SORCS2: variants seen among roughly 807,000 people sequenced by gnomAD.
SORCS2 encodes the protein VPS10 domain-containing receptor SorCS2.
SORCS2 carries 100 observed loss-of-function variants against 141.6 expected under a neutral mutation model. The ratio of observed to expected loss-of-function variants is 0.71; its 90% CI spans 0.60 to 0.83. The LOEUF is 0.83. Among genes scored for constraint, SORCS2 ranks in the 40% least tolerant of loss-of-function variants. SORCS2 has a pLI of 0.00. For synonymous variants in SORCS2, 789 were observed against 676.9 expected (o/e 1.17, Z -2.57); for missense variants, 1,646 against 1,560.2 (o/e 1.05, Z -0.93).
chr4:7,429,133 C>T (rs915947685), intron 2 of SORCS2, among the ~76,000 whole-genome samples: 7 of 152,288 alleles, frequency 4.6e-5, no homozygotes, highest in South Asian at 4.1e-4. Context: ...CATTGAGGCA[C>T]ATGCGTGAGT....
At chr4:7,273,828 A>G (rs1715298120) in intron 1 of SORCS2, among the ~76,000 whole-genome samples, 1 of 152,178 alleles carries the variant, frequency 6.6e-6, no homozygotes, top group African/African-American at 2.4e-5. Context: ...CTTGGAGGCC[A>G]TGCCTCCCTC....
chr4:7,495,969 G>A (rs1038383130), intron 2 of SORCS2, among the ~76,000 whole-genome samples: 2 of 152,206 alleles, frequency 1.3e-5, no homozygotes, highest in African/African-American at 2.4e-5. Flanking sequence ...TGTTGCCTGG[G>A]CGAGGGACAG....
chr4:7,719,143 A>G (rs1198534840), intron 18 of SORCS2, among the ~76,000 whole-genome samples: 1 of 152,196 alleles, frequency 6.6e-6, no homozygotes, highest in Non-Finnish European at 1.5e-5. Context: ...AGATGCAGCT[A>G]GTGCGGCTTC....
At chr4:7,713,126 G>A (rs1003740625) in intron 15 of SORCS2, among the ~76,000 whole-genome samples, 4 of 152,100 alleles carry the variant, frequency 2.6e-5, no homozygotes, top group African/African-American at 9.7e-5. Flanking sequence ...AGCCCATGGA[G>A]TCCAGTATGC....
At position 7,327,829 on chromosome 4, in the gene SORCS2, C is replaced by T. The variant is rs1421750267; in HGVS notation, c.481-68459C>T. Among the ~76,000 whole-genome samples the T allele has an allele frequency of 2.0e-5, 3 of 151,616 alleles. No individual in the cohort carries two copies. The East Asian group carries it at 5.8e-4, about 29-fold the overall frequency. Reference sequence around the variant, plus strand: ...CCCCCCCCAACCCCGCCCCCGGCAACGTTGCTTTGGCTGCTCTGGGGCTGC... The same window carrying T: ...CCCCCCCCAACCCCGCCCCCGGCAATGTTGCTTTGGCTGCTCTGGGGCTGC... On this transcript the variant is annotated intron_variant, in intron 1 of 26. Transcript: ENST00000507866.
chr4:7,736,646 G>C (rs1209447483), intron 25 of SORCS2, among the ~76,000 whole-genome samples: 1 of 152,224 alleles, frequency 6.6e-6, no homozygotes, highest in Non-Finnish European at 1.5e-5. Context: ...CCTGGATGGG[G>C]CTCAGCAAGT....
At chr4:7,551,889 C>T (rs1186373611) in intron 3 of SORCS2, among the ~76,000 whole-genome samples, 2 of 152,164 alleles carry the variant, frequency 1.3e-5, no homozygotes, top group Non-Finnish European at 2.9e-5. Context: ...ATAATACCAC[C>T]GTGTAATTAC....
At chr4:7,532,367 T>C (rs766311828) in intron 3 of SORCS2, among the ~76,000 whole-genome samples, 1 of 152,192 alleles carries the variant, frequency 6.6e-6, no homozygotes, top group Non-Finnish European at 1.5e-5. Flanking sequence ...AAATGGGATG[T>C]CACCCACACC....
chr4:7,519,338 G>A (rs1049362735), intron 2 of SORCS2, among the ~76,000 whole-genome samples: 2 of 152,202 alleles, frequency 1.3e-5, no homozygotes, highest in South Asian at 2.1e-4. Context: ...TAAAACCAGC[G>A]AGAACCACAA....
intron 1 of SORCS2, among the ~76,000 whole-genome samples, chr4:7,359,519 G>A (rs544322025): frequency 4.6e-5 from 7 of 152,304 alleles, no homozygotes; most frequent in East Asian, 1.9e-4. Context: ...GTAAGCAGAA[G>A]CCATGGCGGG....
intron 1 of SORCS2, among the ~76,000 whole-genome samples, chr4:7,256,675 T>C (rs1713898102): frequency 6.6e-6 from 1 of 150,540 alleles, no homozygotes. Flanking sequence ...GTGGTTACCA[T>C]CAATAGTGGG....
intron 3 of SORCS2, among the ~76,000 whole-genome samples, chr4:7,606,355 T>C (rs1718063144): frequency 1.3e-5 from 2 of 152,186 alleles, no homozygotes; most frequent in Admixed American, 1.3e-4. Flanking sequence ...TAAATACTTA[T>C]TCAACGATCG....
At chr4:7,524,471 C>T (rs1733536639) in intron 2 of SORCS2, among the ~76,000 whole-genome samples, 1 of 152,138 alleles carries the variant, frequency 6.6e-6, no homozygotes, top group South Asian at 2.1e-4. Context: ...TCAACTCACG[C>T]CCTGGCCCTG....
At chr4:7,567,878 A>G (rs894206192) in intron 3 of SORCS2, among the ~76,000 whole-genome samples, 5 of 152,204 alleles carry the variant, frequency 3.3e-5, no homozygotes, top group African/African-American at 1.2e-4. Context: ...CTATAATCCA[A>G]TAGTACCTTA....
At chr4:7,444,446 T>G (rs930028034) in intron 2 of SORCS2, among the ~76,000 whole-genome samples, 1 of 151,348 alleles carries the variant, frequency 6.6e-6, no homozygotes, top group South Asian at 2.1e-4. Context: ...CTTGGAGGAG[T>G]TGAGAGAGGT....
At chr4:7,519,160 G>C (rs1427734196) in intron 2 of SORCS2, among the ~76,000 whole-genome samples, 2 of 152,216 alleles carry the variant, frequency 1.3e-5, no homozygotes, top group African/African-American at 4.8e-5. Flanking sequence ...TCTGCATGCC[G>C]AGGGGAGCAC....
At chr4:7,303,171 C>A (rs767104022) in intron 1 of SORCS2, among the ~76,000 whole-genome samples, 5 of 152,126 alleles carry the variant, frequency 3.3e-5, no homozygotes, top group Non-Finnish European at 5.9e-5. Context: ...TAAAAAGAAG[C>A]CGGCATGGGG....
chr4:7,216,288 A>G (rs1728349082), intron 1 of SORCS2, among the ~76,000 whole-genome samples: 1 of 152,116 alleles, frequency 6.6e-6, no homozygotes, highest in African/African-American at 2.4e-5. Flanking sequence ...GTATGTGGGA[A>G]TGGTGAGCTC....
chr4:7,565,813 G>C (rs1433706333), intron 3 of SORCS2, among the ~76,000 whole-genome samples: 1 of 139,742 alleles, frequency 7.2e-6, no homozygotes, highest in Admixed American at 7.6e-5. Flanking sequence ...GTGATGATGT[G>C]ATGATGGCAA....
Sources: gnomAD v4.1 joint callset for allele counts (sites outside exome capture counted in the v4.1 genomes callset) on GRCh38, gnomAD v4.1.1 for gene constraint, MANE v1.5 for transcripts, NCBI Gene and HGNC (gene_info 2026-07-23, HGNC 2026-07-21) for gene names.